The following ANKS1B variants were observed in gnomAD, a reference collection of about 807,000 sequenced individuals.
The protein encoded by ANKS1B is ankyrin repeat and sterile alpha motif domain containing 1B, also known as ankyrin repeat and sterile alpha motif domain-containing protein 1B.
A neutral mutation model predicts 148.3 loss-of-function variants in ANKS1B; 36 were observed. The ratio of observed to expected loss-of-function variants is 0.24; its 90% CI spans 0.19 to 0.32. The LOEUF (loss-of-function observed/expected upper bound fraction) is 0.32, where lower values mean the gene tolerates loss of function less well. ANKS1B is among the 10% of genes least tolerant of loss of function. The pLI, the probability that ANKS1B is intolerant of heterozygous loss-of-function variation, is 1.00. For synonymous variants in ANKS1B, 542 were observed against 560.8 expected, an observed-to-expected ratio of 0.97 and a Z score of 0.47; for missense variants, 1,157 against 1,542.6, an observed-to-expected ratio of 0.75 and a Z score of 4.19.
intron 8 of ANKS1B, among the ~76,000 whole-genome samples, chr12:99,749,994 T>C (rs2060952390): frequency 6.6e-6 from 1 of 152,098 alleles, no homozygotes; most frequent in Non-Finnish European, 1.5e-5. Flanking sequence ...TAGCTAGGAT[T>C]CTTAAAAGTA....
At chr12:99,094,351 T>A (rs559789638) in intron 15 of ANKS1B, among the ~76,000 whole-genome samples, 1 of 152,342 alleles carries the variant, frequency 6.6e-6, no homozygotes, top group African/African-American at 2.4e-5. Context: ...TAAATTCTGA[T>A]GTTAGTATAT....
chr12:99,314,366 C>T (rs541573210), intron 12 of ANKS1B, among the ~76,000 whole-genome samples: 23 of 152,266 alleles, frequency 1.5e-4, no homozygotes, highest in South Asian at 4.2e-4. Context: ...AGATTCAATG[C>T]CATTCCCATC....
intron 9 of ANKS1B, among the ~76,000 whole-genome samples, chr12:99,544,317 G>A (rs1380108311): frequency 6.6e-6 from 1 of 152,048 alleles, no homozygotes. Context: ...CAATGTAGTA[G>A]GTTTTTAAAT....
chr12:99,472,722 T>A (rs1421343115), intron 10 of ANKS1B, among the ~76,000 whole-genome samples: 5 of 152,024 alleles, frequency 3.3e-5, no homozygotes, highest in Non-Finnish European at 7.4e-5. Context: ...CACTGAACAG[T>A]AGTAACAATG....
At chr12:99,363,267 A>C (rs1251020697) in intron 12 of ANKS1B, among the ~76,000 whole-genome samples, 1 of 152,126 alleles carries the variant, frequency 6.6e-6, no homozygotes, top group African/African-American at 2.4e-5. Context: ...GCAGTAAAGG[A>C]AGGGAGAAAT....
intron 17 of ANKS1B, among the ~76,000 whole-genome samples, chr12:98,898,510 C>T (rs940846519): frequency 1.3e-5 from 2 of 152,114 alleles, no homozygotes; most frequent in Non-Finnish European, 2.9e-5. Context: ...AAGAAAATAG[C>T]TACCTATAGA....
chr12:99,515,736 GT>G (rs2096812647), intron 9 of ANKS1B, among the ~76,000 whole-genome samples: 1 of 152,010 alleles, frequency 6.6e-6, no homozygotes, highest in South Asian at 2.1e-4. Flanking sequence ...TCCCTTTTTA[GT>G]TTTTTGAGGA....
chr12:98,990,984 A>G (rs1568227024), intron 17 of ANKS1B, among the ~76,000 whole-genome samples: 1 of 152,226 alleles, frequency 6.6e-6, no homozygotes, highest in Non-Finnish European at 1.5e-5. Flanking sequence ...TATTTGAATA[A>G]GTGATAGAGG....
chr12:99,310,429 C>A (rs1285151267), intron 12 of ANKS1B, among the ~76,000 whole-genome samples: 1 of 152,148 alleles, frequency 6.6e-6, no homozygotes, highest in East Asian at 1.9e-4. Context: ...CCTGTCCTCC[C>A]TAATGTTTGT....
intron 12 of ANKS1B, among the ~76,000 whole-genome samples, chr12:99,371,865 CTAA>C (rs1044359764): frequency 4.6e-5 from 7 of 152,096 alleles, no homozygotes; most frequent in South Asian, 2.1e-4. Context: ...GGCACCTGTA[CTAA>C]TAATAATGCT....
At chr12:99,750,986 C>T (rs2061052910) in intron 8 of ANKS1B, among the ~76,000 whole-genome samples, 1 of 151,922 alleles carries the variant, frequency 6.6e-6, no homozygotes, top group African/African-American at 2.4e-5. Flanking sequence ...CATTGATATT[C>T]ATGATTCATT....
At chr12:99,648,643 G>A (rs1023715703) in intron 9 of ANKS1B, 4 of 1,614,186 alleles carry the variant, frequency 2.5e-6, no homozygotes, top group Admixed American at 1.7e-5. Flanking sequence ...TCCTCCATCG[G>A]ATGCAAGTGA....
At chr12:98,889,703 C>T (rs1259052020) in intron 17 of ANKS1B, among the ~76,000 whole-genome samples, 1 of 152,124 alleles carries the variant, frequency 6.6e-6, no homozygotes, top group Non-Finnish European at 1.5e-5. Context: ...ATAACTTCAT[C>T]CAAAAATGTG....
chr12:99,377,280 T>C (rs73151134), intron 12 of ANKS1B, among the ~76,000 whole-genome samples: 18,897 of 152,070 alleles, frequency 0.12, 1,236 homozygotes, highest in African/African-American at 0.17. Flanking sequence ...TGGTGGATTA[T>C]GGGTGTGAGC....
intron 8 of ANKS1B, among the ~76,000 whole-genome samples, chr12:99,718,696 C>T (rs1465582937): frequency 6.6e-6 from 1 of 152,196 alleles, no homozygotes; most frequent in Non-Finnish European, 1.5e-5. Context: ...CCCATATACT[C>T]TCCTATCTTC....
At chr12:99,565,724 C>G (rs554325575) in intron 9 of ANKS1B, among the ~76,000 whole-genome samples, 24 of 152,256 alleles carry the variant, frequency 1.6e-4, no homozygotes, top group African/African-American at 5.8e-4. Context: ...TTAACCATCT[C>G]CTTTCCTTTT....
At chr12:99,687,554 T>C (rs1057259847) in intron 8 of ANKS1B, among the ~76,000 whole-genome samples, 2 of 152,170 alleles carry the variant, frequency 1.3e-5, no homozygotes, top group African/African-American at 4.8e-5. Context: ...TTTTAGTTTC[T>C]ATTGCTAGAT....
At chr12:99,370,400 C>T (rs1566973090) in intron 12 of ANKS1B, among the ~76,000 whole-genome samples, 1 of 151,972 alleles carries the variant, frequency 6.6e-6, no homozygotes, top group Non-Finnish European at 1.5e-5. Flanking sequence ...TCATCATGGA[C>T]CTACAAACAG....
intron 17 of ANKS1B, among the ~76,000 whole-genome samples, chr12:98,854,115 A>T (rs566346947): frequency 6.6e-6 from 1 of 152,328 alleles, no homozygotes; most frequent in South Asian, 2.1e-4. Context: ...CTATTCCTCA[A>T]CTTTGGAGTA....
Sources: gnomAD v4.1 joint callset for allele counts (sites outside exome capture counted in the v4.1 genomes callset) on GRCh38, gnomAD v4.1.1 for gene constraint, MANE v1.5 for transcripts, NCBI Gene and HGNC (gene_info 2026-07-23, HGNC 2026-07-21) for gene names.